Variants in ANKRD11 observed in about 807,000 individuals in gnomAD.
ANKRD11 encodes ankyrin repeat domain 11.
Under a neutral mutation model 195.7 loss-of-function variants are expected in ANKRD11, and 17 were observed. The observed-to-expected ratio is 0.09, with a 90% CI of 0.06 to 0.13. The LOEUF (loss-of-function observed/expected upper bound fraction) is 0.13, where lower values mean the gene tolerates loss of function less well. ANKRD11 is among the 10% of genes least tolerant of loss of function. ANKRD11 has a pLI of 1.00. For synonymous variants in ANKRD11, 1,953 were observed against 1,528.1 expected (o/e 1.28, Z -6.49); for missense variants, 3,735 against 3,566.1 (o/e 1.05, Z -1.21).
intron 9 of ANKRD11, chr16:89,278,103 C>G (rs752748693): frequency 4.3e-6 from 1 of 230,050 alleles, no homozygotes; most frequent in Non-Finnish European, 8.7e-6. Context: ...GTCCGCTAGG[C>G]ACAGTGTGAG....
Position 89,291,654 on chromosome 16 carries a change from A to G in ANKRD11, c.227-471T>C, listed in dbSNP as rs1334021415. 3.9e-6 allele frequency: 5 copies of G among 1,287,832 alleles called. No individual in the cohort carries two copies. In the Admixed American group the frequency reaches 9.2e-5, roughly 24 times the overall value. 79.8% of individuals were successfully genotyped at this position (1,287,832 alleles called of 1,614,324 possible). A position where few individuals can be genotyped will look rare whatever the true frequency, so the allele number is the denominator to read the frequency against. ...GACACAGTTTAAAACACATCAGTAA[A>G]TCAAGGCCAACTGGTCAGTACTGTA... On this transcript the variant is annotated intron_variant, in intron 4 of 12. Coordinates refer to ENST00000301030, the MANE Select transcript of ANKRD11 (RefSeq NM_013275.6). This position sits in a 1 kb window ranked among gnomAD's most constrained non-coding sequence, Gnocchi z 5.3.
At position 89,369,950 on chromosome 16, in the gene ANKRD11, C is replaced by A. The variant is rs1026294800; in HGVS notation, c.-60+48334G>T. ...AAAAACCAAACACGGGGGGCCCAGC[C>A]CACCTCAAACCCCAGCTGCAGGATG... On this transcript the variant is annotated intron_variant, in intron 2 of 12. Transcript: ENST00000301030. 2.0e-5 allele frequency among the ~76,000 whole-genome samples: 3 copies of A among 152,176 alleles called. No homozygotes were observed. The South Asian group carries it at 6.2e-4, about 31-fold the overall frequency.
At position 89,280,461 on chromosome 16, in the gene ANKRD11, C is replaced by G. The variant is rs2034110229; in HGVS notation, c.6081G>C (p.Leu2027=). 6.3e-7 allele frequency: 1 copy of G among 1,594,850 alleles called. No homozygotes were observed. Among genetic ancestry groups the G allele is most frequent in the Admixed American group, 1.7e-5 (1 of 58,158 alleles). Residue 2027 remains leucine (L), a synonymous_variant, in exon 9 of 13, where the codon CTG becomes CTC. Coordinates refer to ENST00000301030, the MANE Select transcript of ANKRD11 (RefSeq NM_013275.6). ...APPASPAPYA[L]PVAEPGLEDV... ...CCTCCAGCCCCGGCTCAGCGACGGG[C>G]AGAGCGTACGGGGCAGGAGAGGCGG...
chr16:89,455,940 CAGAA>C (rs2056414637), intron 1 of ANKRD11, among the ~76,000 whole-genome samples: 2 of 152,056 alleles, frequency 1.3e-5, no homozygotes, highest in South Asian at 2.1e-4. Context: ...CTATTGAAAA[CAGAA>C]AGGTGGAAAC....
intron 12 of ANKRD11, 94 bp downstream of exon 12, chr16:89,270,723 C>T: frequency 1.6e-6 from 2 of 1,247,230 alleles, no homozygotes; most frequent in Admixed American, 1.9e-5. Flanking sequence ...GCAGCGGCCT[C>T]CCCCCAGGCA....
chr16:89,287,191 T>TC, intron 7 of ANKRD11: 1 of 1,020,916 alleles, frequency 9.8e-7, no homozygotes, highest in Non-Finnish European at 1.3e-6. Context: ...ACCACACTCC[T>TC]CGGCCCTCCT....
intron 2 of ANKRD11, among the ~76,000 whole-genome samples, chr16:89,406,402 GCT>G (rs2041909132): frequency 6.6e-6 from 1 of 152,192 alleles, no homozygotes; most frequent in Non-Finnish European, 1.5e-5. Context: ...CAGCCGGCGC[GCT>G]CTGAGACTTG....
At chr16:89,270,745 G>T in intron 12 of ANKRD11, 72 bp downstream of exon 12, 4 of 1,487,424 alleles carry the variant, frequency 2.7e-6, no homozygotes, top group South Asian at 1.2e-5. Flanking sequence ...CGCAAAGGGG[G>T]TTGTCACCAC....
chr16:89,473,121 A>T (rs1350387097), intron 1 of ANKRD11, among the ~76,000 whole-genome samples: 1 of 152,042 alleles, frequency 6.6e-6, no homozygotes. Context: ...TCAAGGCTGC[A>T]ATAAGTCAGG....
intron 1 of ANKRD11, among the ~76,000 whole-genome samples, chr16:89,462,629 C>G (rs1010924841): frequency 2.6e-5 from 4 of 151,604 alleles, no homozygotes; most frequent in African/African-American, 9.7e-5. Context: ...GTGAGGAGCA[C>G]CTCTTCCCGG....
At chr16:89,319,215 G>A (rs1020056790) in intron 2 of ANKRD11, among the ~76,000 whole-genome samples, 5 of 152,252 alleles carry the variant, frequency 3.3e-5, no homozygotes, top group Non-Finnish European at 7.3e-5. Flanking sequence ...TGGTCAGGGC[G>A]CAGACCCCAC....
chr16:89,307,066 G>A (rs946042206), intron 3 of ANKRD11, among the ~76,000 whole-genome samples: 1 of 151,470 alleles, frequency 6.6e-6, no homozygotes, highest in South Asian at 2.1e-4. Flanking sequence ...GGGACAGTGC[G>A]ACACACACAG....
In ANKRD11 at chr16:89,327,805, G is replaced by A. The variant is rs375311402; in HGVS notation, c.-59-10727C>T. On this transcript the variant is annotated intron_variant, in intron 2 of 12. Coordinates refer to ENST00000301030, the MANE Select transcript of ANKRD11 (RefSeq NM_013275.6). ...CTATACACATTTTAGGAAAAAACAG[G>A]AGAAAATCTTTAGGACCTAGGGCCA... 5.3e-5 allele frequency among the ~76,000 whole-genome samples: 8 copies of A among 152,228 alleles called. No homozygotes were observed. The East Asian group carries it at 1.2e-3, about 22-fold the overall frequency.
At chr16:89,423,590 C>A (rs1256492269) in intron 1 of ANKRD11, among the ~76,000 whole-genome samples, 1 of 152,212 alleles carries the variant, frequency 6.6e-6, no homozygotes, top group Non-Finnish European at 1.5e-5. Flanking sequence ...GTGGTGCCTG[C>A]AGCAGCAGGC....
chr16:89,300,469 C>G, intron 4 of ANKRD11: 1 of 204,492 alleles, frequency 4.9e-6, no homozygotes, highest in South Asian at 7.6e-5. Flanking sequence ...CGAGCACAGC[C>G]TGGCCCCTGC....
intron 4 of ANKRD11, chr16:89,305,001 C>T (rs964970326): frequency 2.7e-6 from 2 of 728,428 alleles, no homozygotes; most frequent in Non-Finnish European, 4.4e-6. Context: ...CTCCAATCGG[C>T]CCCATGGGCC....
intron 2 of ANKRD11, among the ~76,000 whole-genome samples, chr16:89,413,921 C>T (rs1053868239): frequency 3.3e-5 from 5 of 152,160 alleles, no homozygotes; most frequent in African/African-American, 9.7e-5. Flanking sequence ...CCTTCCCCTC[C>T]CCACCTCCAA....
chr16:89,380,300 T>C (rs775254164), intron 2 of ANKRD11, among the ~76,000 whole-genome samples: 5 of 152,146 alleles, frequency 3.3e-5, no homozygotes, highest in Non-Finnish European at 7.4e-5. Flanking sequence ...TTAGTAGAGA[T>C]GGGGTTTCTC....
chr16:89,441,545 A>G (rs1469966531), intron 1 of ANKRD11, among the ~76,000 whole-genome samples: 1 of 152,110 alleles, frequency 6.6e-6, no homozygotes, highest in East Asian at 1.9e-4. Flanking sequence ...AGGCGGGCGG[A>G]TCACGAGGTC....
Sources: gnomAD v4.1 joint callset for allele counts (sites outside exome capture counted in the v4.1 genomes callset) on GRCh38, gnomAD v4.1.1 for gene constraint, Gnocchi (gnomAD v3.1) non-coding constraint, MANE v1.5 for transcripts, NCBI Gene and HGNC (gene_info 2026-07-23, HGNC 2026-07-21) for gene names.